NOP58: variants seen among roughly 807,000 people sequenced by gnomAD.
NOP58 encodes the protein nucleolar protein 58.
A neutral mutation model predicts 71.2 loss-of-function variants in NOP58; 44 were observed. That is an observed-to-expected ratio of 0.62 (90% CI 0.49 to 0.79). The LOEUF is 0.79. NOP58 is among the 30% of genes least tolerant of loss of function. The probability of loss-of-function intolerance (pLI) is 0.00; values close to 1 mark genes in which losing one functional copy is unlikely to be tolerated. For missense variants in NOP58, 538 were observed against 620.2 expected (o/e 0.87, Z 1.41); for synonymous variants, 228 against 200.3 (o/e 1.14, Z -1.17).
intron 12 of NOP58, among the ~76,000 whole-genome samples, chr2:202,299,028 C>G (rs188190760): frequency 1.5e-5 from 2 of 132,026 alleles, no homozygotes; most frequent in Non-Finnish European, 3.1e-5. Flanking sequence ...GGCACGATTG[C>G]GGCTCACTGC....
At chr2:202,286,668 A>T (rs1244294294) in intron 5 of NOP58, among the ~76,000 whole-genome samples, 1 of 152,246 alleles carries the variant, frequency 6.6e-6, no homozygotes, top group Non-Finnish European at 1.5e-5. Context: ...GAGAACAAAT[A>T]GTGAAACTGA....
At chr2:202,272,077 AAC>A (rs1688519745) in intron 1 of NOP58, among the ~76,000 whole-genome samples, 2 of 152,194 alleles carry the variant, frequency 1.3e-5, no homozygotes, top group Non-Finnish European at 2.9e-5. Flanking sequence ...CAGTAAGAGA[AAC>A]ACAATGTTGC....
At chr2:202,303,305 G>A (rs1392704204) in intron 14 of NOP58, 81 bp from the exon 15 acceptor site, 58 of 1,570,598 alleles carry the variant, frequency 3.7e-5, no homozygotes, top group Non-Finnish European at 4.9e-5. Flanking sequence ...TTTTTTATAG[G>A]TGGGGTTTTT....
rs773083380 is a variant in NOP58 at position 202,297,413 on chromosome 2, C to G, written c.1106C>G (p.Ala369Gly). 9 of 1,613,788 alleles carry G rather than the reference C, an allele frequency of 5.6e-6. No individual in the cohort carries two copies. Among genetic ancestry groups the G allele is most frequent in the Non-Finnish European group, 7.6e-6 (9 of 1,179,788 alleles). The change falls in exon 11 of 15, where the codon GCT becomes GGT. Residue 369 changes from alanine to glycine, a missense_variant. Coordinates refer to ENST00000264279, the MANE Select transcript of NOP58 (RefSeq NM_015934.5). ...SRMLAAKTVL[A>G]IRYDAFGEDS... Reference sequence around the variant, plus strand: ...ATGCTGGCAGCCAAAACCGTTTTGGCTATCCGTTATGATGCTTTTGGTGAG... The same window carrying G: ...ATGCTGGCAGCCAAAACCGTTTTGGGTATCCGTTATGATGCTTTTGGTGAG...
In NOP58 at chr2:202,291,373, A is replaced by G. The variant is rs530919021; in HGVS notation, c.780+103A>G. The G allele has an allele frequency of 7.1e-4, 575 of 805,016 alleles. 2 individuals carry two copies. In the African/African-American group the frequency reaches 8.8e-3, roughly 12 times the overall value. 49.9% of individuals were successfully genotyped at this position (805,016 alleles called of 1,614,324 possible). A position where few individuals can be genotyped will look rare whatever the true frequency, so the allele number is the denominator to read the frequency against. The stretch of plus-strand genomic sequence containing the variant: ...TTTTACACTTATTGTTGTTCACCTG[A>G]TAACATAAATATGAGGGTGTTCAGT... On this transcript the variant is annotated intron_variant, in intron 8 of 14. Transcript: ENST00000264279.
intron 9 of NOP58, among the ~76,000 whole-genome samples, chr2:202,294,538 A>G (rs971563498): frequency 1.3e-5 from 2 of 152,190 alleles, no homozygotes; most frequent in Admixed American, 1.3e-4. Flanking sequence ...AGAATGTTTG[A>G]AACAGAGGAT....
At position 202,292,840 on chromosome 2, in the gene NOP58, A is replaced by G. The variant is rs1356290592; in HGVS notation, c.844A>G (p.Ile282Val). The change falls in exon 9 of 15, where the codon ATT becomes GTT. Residue 282 changes from isoleucine (I) to valine (V), a missense_variant. Ile to Val is a conservative substitution (Grantham distance 29). Coordinates refer to ENST00000264279, the MANE Select transcript of NOP58 (RefSeq NM_015934.5). ...ATATCTACAAAATCGAATGATGGCC[A>G]TTGCACCCAATGTTACAGTCATGGT... ...YEYLQNRMMA[I>V]APNVTVMVGE... is the part of the protein sequence containing the mutation. 7 of 1,613,370 alleles carry G rather than the reference A, an allele frequency of 4.3e-6. No homozygotes were observed. Among genetic ancestry groups the G allele is most frequent in the African/African-American group, 4.0e-5 (3 of 74,926 alleles).
intron 3 of NOP58, among the ~76,000 whole-genome samples, chr2:202,281,643 T>C (rs1401671765): frequency 6.6e-6 from 1 of 152,218 alleles, no homozygotes; most frequent in African/African-American, 2.4e-5. Flanking sequence ...TTTCGCCGTG[T>C]TGGCCAGGCT....
In NOP58 at chr2:202,265,986, G is replaced by T. The variant is rs370710550; in HGVS notation, c.45G>T (p.Lys15Asn). The T allele has an allele frequency of 6.2e-7, 1 of 1,614,062 alleles. No individual in the cohort carries two copies. The highest frequency in any genetic ancestry group is 1.3e-5 in the African/African-American group (1 of 74,940). The change falls in exon 1 of 15, where the codon AAG becomes AAT. Residue 15 changes from lysine to asparagine, a missense_variant and splice_region_variant. Physicochemically the swap from Lys to Asn is moderately conservative, Grantham distance 94 (BLOSUM62 0). Transcript: ENST00000264279. ...CGTCTGTGGGTTACGCCATCTTTAAGGTAGGTGGGAGAGCGAGCCGTTAAA... is the reference window on the plus strand; with the variant it reads ...CGTCTGTGGGTTACGCCATCTTTAATGTAGGTGGGAGAGCGAGCCGTTAAA... ...FETSVGYAIF[K>N]VLNEKKLQEV...
intron 4 of NOP58, among the ~76,000 whole-genome samples, chr2:202,283,313 T>C (rs1395192644): frequency 6.6e-6 from 1 of 152,120 alleles, no homozygotes; most frequent in Non-Finnish European, 1.5e-5. Flanking sequence ...CACTGCAACC[T>C]CTGCCTCCCG....
chr2:202,285,185 C>T (rs1052643292), intron 5 of NOP58, among the ~76,000 whole-genome samples: 1 of 151,422 alleles, frequency 6.6e-6, no homozygotes, highest in African/African-American at 2.4e-5. Context: ...GGATTACAAG[C>T]GTGCACCACT....
chr2:202,269,719 C>G (rs751544558), intron 1 of NOP58, among the ~76,000 whole-genome samples: 1 of 151,660 alleles, frequency 6.6e-6, no homozygotes, highest in Admixed American at 6.6e-5. Flanking sequence ...GCAGCCTGGG[C>G]GACAGGGCAA....
At chr2:202,283,350 C>T (rs899559719) in intron 4 of NOP58, among the ~76,000 whole-genome samples, 2 of 152,122 alleles carry the variant, frequency 1.3e-5, no homozygotes, top group Non-Finnish European at 2.9e-5. Context: ...CTGCCTTAGC[C>T]TTCCAAGTAG....
rs1688405701 is a variant in NOP58, at chr2:202,265,924, C to G, written c.-18C>G. The G allele has an allele frequency of 6.2e-7, 1 of 1,614,132 alleles. No individual in the cohort carries two copies. The highest frequency in any genetic ancestry group is 8.5e-7 in the Non-Finnish European group (1 of 1,179,994). On this transcript the variant is annotated 5_prime_UTR_variant, in exon 1 of 15. Transcript: ENST00000264279. ...ACAGCTTCTGGCAGGCCGTGCGGCG[C>G]CCTGACCCGGCCTCACCATGTTGGT...
At chr2:202,300,529 T>A (rs1374560148) in intron 13 of NOP58, among the ~76,000 whole-genome samples, 162 bp downstream of exon 13, 2 of 152,218 alleles carry the variant, frequency 1.3e-5, no homozygotes, top group African/African-American at 4.8e-5. Context: ...GAATATGATA[T>A]TGTTAAATTT....
At chr2:202,274,662 C>A (rs917459954) in intron 1 of NOP58, among the ~76,000 whole-genome samples, 1 of 151,876 alleles carries the variant, frequency 6.6e-6, no homozygotes, top group Non-Finnish European at 1.5e-5. Context: ...CTCAGGAGGC[C>A]GAGGCACTAG....
At chr2:202,289,574 C>T (rs559858901) in intron 6 of NOP58, among the ~76,000 whole-genome samples, 5 of 152,098 alleles carry the variant, frequency 3.3e-5, no homozygotes, top group Non-Finnish European at 7.3e-5. Context: ...ACTTCTGGTC[C>T]CAAGCATTTT....
At chr2:202,270,917 G>A (rs772830924) in intron 1 of NOP58, among the ~76,000 whole-genome samples, 4 of 151,756 alleles carry the variant, frequency 2.6e-5, no homozygotes, top group Non-Finnish European at 5.9e-5. Context: ...GTGAAACCCC[G>A]TCTCTACTAA....
In NOP58 at chr2:202,295,812, A is replaced by G. The variant is rs773883767; in HGVS notation, c.1046A>G (p.Gln349Arg). 1.9e-5 allele frequency: 30 copies of G among 1,590,440 alleles called. No homozygotes were observed. The highest frequency in any genetic ancestry group is 2.6e-5 in the Non-Finnish European group (30 of 1,170,810). ...GLIYHASLVG[Q>R]TSPKHKGKIS... ...ATTTATCATGCTTCACTCGTGGGCC[A>G]GACAAGTCCCAAACACAAAGGAAAG... The change falls in exon 10 of 15, where the codon CAG (glutamine) becomes CGG (arginine). Residue 349 changes from glutamine to arginine, a missense_variant. Transcript: ENST00000264279.
Sources: gnomAD v4.1 joint callset for allele counts (sites outside exome capture counted in the v4.1 genomes callset) on GRCh38, gnomAD v4.1.1 for gene constraint, MANE v1.5 for transcripts, NCBI Gene and HGNC (gene_info 2026-07-23, HGNC 2026-07-21) for gene names.